The following PAXBP1 variants were observed in gnomAD, a reference collection of about 807,000 sequenced individuals.
The protein encoded by PAXBP1 is PAX3 and PAX7 binding protein 1, also known as PAX3- and PAX7-binding protein 1.
Under a neutral mutation model 119.9 loss-of-function variants are expected in PAXBP1, and 44 were observed. The observed-to-expected ratio is 0.37, with a 90% CI of 0.29 to 0.47. PAXBP1 has a LOEUF of 0.47. PAXBP1 is among the 20% of genes least tolerant of loss of function. The pLI is 0.99. For synonymous variants in PAXBP1, 393 were observed against 406.6 expected (o/e 0.97, Z 0.40); for missense variants, 898 against 1,134.1 (o/e 0.79, Z 2.99).
In PAXBP1 at chr21:32,762,911, C is replaced by CACA. The variant is rs1555921734; in HGVS notation, c.650-595_650-594insTGT. 6.3e-5 allele frequency among the ~76,000 whole-genome samples: 3 copies of CACA among 47,922 alleles called. No homozygotes were observed. The East Asian group carries it at 1.9e-3, about 30-fold the overall frequency. The allele number at this position is 47,922 out of a possible 152,430, so 31.4% of individuals were successfully genotyped here. ...GGGCAACAAGAGCACAACTCCGTCT[C>CACA]AAAAAAAAAAAAAAAAAAAAGTAAT... On this transcript the variant is annotated intron_variant, in intron 3 of 17. Transcript: ENST00000331923.
At chr21:32,757,703 A>G (rs2044066554) in intron 7 of PAXBP1, among the ~76,000 whole-genome samples, 2 of 152,238 alleles carry the variant, frequency 1.3e-5, no homozygotes, top group African/African-American at 4.8e-5. Context: ...AAGACACTTC[A>G]AGAAGCAGCT....
intron 17 of PAXBP1, 40 bp downstream of exon 17, chr21:32,737,214 A>G (rs781736352): frequency 3.5e-6 from 5 of 1,417,034 alleles, no homozygotes; most frequent in South Asian, 3.3e-5. Flanking sequence ...TCTGGCAACT[A>G]AACAACTCTA....
In PAXBP1 at chr21:32,771,442, C is replaced by T. The variant is rs1244268746; in HGVS notation, c.227G>A (p.Gly76Glu). The T allele has an allele frequency of 6.7e-7, 1 of 1,499,286 alleles. No individual in the cohort carries two copies. The highest frequency in any genetic ancestry group is 2.2e-5 in the Admixed American group (1 of 45,608). The allele number at this position is 1,499,286 out of a possible 1,614,324, so 92.9% of individuals were successfully genotyped here. A position where few individuals can be genotyped will look rare whatever the true frequency, so the allele number is the denominator to read the frequency against. ...CTCCGCGCCGCCGGGGAAGCCGCCCCCGGCCTCAGCCCCGAGGCCCGGGGT... is the reference window on the plus strand; with the variant it reads ...CTCCGCGCCGCCGGGGAAGCCGCCCTCGGCCTCAGCCCCGAGGCCCGGGGT... ...ALTPGLGAEA[G>E]GGFPGGAEPG... The change falls in exon 1 of 18, where the codon GGG becomes GAG. Residue 76 changes from glycine to glutamate, a missense_variant. Coordinates refer to ENST00000331923, the MANE Select transcript of PAXBP1 (RefSeq NM_016631.4).
At chr21:32,744,483 T>C (rs969189524) in intron 13 of PAXBP1, among the ~76,000 whole-genome samples, 10 of 152,086 alleles carry the variant, frequency 6.6e-5, no homozygotes, top group African/African-American at 9.7e-5. Context: ...ATTTGATTAG[T>C]TGGATTGGGA....
rs899908330 is a variant in PAXBP1, at chr21:32,735,052, C to T, written c.2652G>A (p.Gln884=). ...GAACACTTGCAAGGAGTTTTACTAT[C>T]TGTTTTATGTTTTCCCTAAAAGAAA... is the stretch of plus-strand genomic sequence containing the variant. ...EKRNARENIK[Q]IVKLLASVRA... Residue 884 remains glutamine, a synonymous_variant, in exon 18 of 18, where the codon CAG becomes CAA. Coordinates refer to ENST00000331923, the MANE Select transcript of PAXBP1 (RefSeq NM_016631.4). The T allele has an allele frequency of 6.2e-7, 1 of 1,612,266 alleles. No homozygotes were observed. The highest frequency in any genetic ancestry group is 8.5e-7 in the Non-Finnish European group (1 of 1,178,992).
intron 2 of PAXBP1, among the ~76,000 whole-genome samples, chr21:32,767,027 T>C (rs529229874): frequency 6.6e-6 from 1 of 152,342 alleles, no homozygotes; most frequent in South Asian, 2.1e-4. Flanking sequence ...AAGTCTTTGG[T>C]CTTCAGGAAT....
intron 16 of PAXBP1, 26 bp downstream of exon 16, chr21:32,738,147 A>G (rs776573833): frequency 4.0e-6 from 6 of 1,509,442 alleles, no homozygotes; most frequent in South Asian, 1.3e-5. Context: ...ATATGCTTTA[A>G]AAACTGTACT....
chr21:32,771,062 T>C (rs1601616116), intron 1 of PAXBP1, among the ~76,000 whole-genome samples: 1 of 152,194 alleles, frequency 6.6e-6, no homozygotes, highest in Non-Finnish European at 1.5e-5. Context: ...GAACACCGAA[T>C]TTCCCCTGAA....
chr21:32,760,696 G>C (rs914000547), intron 5 of PAXBP1, among the ~76,000 whole-genome samples: 1 of 152,086 alleles, frequency 6.6e-6, no homozygotes, highest in African/African-American at 2.4e-5. Flanking sequence ...ACCACCCCAA[G>C]CTTCTGACTC....
chr21:32,771,456 G>A lies in PAXBP1; in HGVS notation c.213C>T (p.Leu71=), dbSNP rs2044349705. The change falls in exon 1 of 18, where the codon CTC becomes CTT. Residue 71 remains leucine (L), a synonymous_variant. Coordinates refer to ENST00000331923, the MANE Select transcript of PAXBP1 (RefSeq NM_016631.4). The stretch of plus-strand genomic sequence containing the variant: ...GGAAGCCGCCCCCGGCCTCAGCCCC[G>A]AGGCCCGGGGTCAGCGCGGAAGGCG... ...PSPPSALTPG[L]GAEAGGGFPG... is the part of the protein sequence containing the mutation. 7.1e-7 allele frequency: 1 copy of A among 1,413,330 alleles called. No individual in the cohort carries two copies. The highest frequency in any genetic ancestry group is 1.5e-5 in the South Asian group (1 of 67,562). 87.5% of individuals were successfully genotyped at this position (1,413,330 alleles called of 1,614,324 possible).
rs2044163935 is a variant in PAXBP1 at position 32,762,330 on chromosome 21, G to A, written c.650-13C>T. Reference sequence around the variant, plus strand: ...TCTGGAATTTCTCCTAGAAACAAATGGTAAGAATATGGCAGTATGAGAGAT... The same window carrying A: ...TCTGGAATTTCTCCTAGAAACAAATAGTAAGAATATGGCAGTATGAGAGAT... On this transcript the variant is annotated splice_polypyrimidine_tract_variant and intron_variant, in intron 3 of 17. Coordinates refer to ENST00000331923, the MANE Select transcript of PAXBP1 (RefSeq NM_016631.4). The A allele has an allele frequency of 6.2e-7, 1 of 1,609,876 alleles. No homozygotes were observed. Among genetic ancestry groups the A allele is most frequent in the Non-Finnish European group, 8.5e-7 (1 of 1,177,560 alleles).
chr21:32,734,663 A>T lies in PAXBP1; in HGVS notation c.*287T>A. On this transcript the variant is annotated 3_prime_UTR_variant, in exon 18 of 18. Coordinates refer to ENST00000331923, the MANE Select transcript of PAXBP1 (RefSeq NM_016631.4). Reference sequence around the variant, plus strand: ...TAATTACACAATTTACACTGCACACATCGTTTACAGGGGACAATTAACTGA... The same window carrying T: ...TAATTACACAATTTACACTGCACACTTCGTTTACAGGGGACAATTAACTGA... The T allele has an allele frequency of 2.5e-6, 1 of 406,008 alleles. No individual in the cohort carries two copies. Among genetic ancestry groups the T allele is most frequent in the South Asian group, 2.5e-5 (1 of 40,072 alleles). The allele number at this position is 406,008 out of a possible 1,614,324, so 25.2% of individuals were successfully genotyped here.
chr21:32,761,205 A>G (rs1034720621), intron 4 of PAXBP1, 43 bp from the exon 5 acceptor site: 3 of 1,458,680 alleles, frequency 2.1e-6, no homozygotes, highest in Non-Finnish European at 1.9e-6. Flanking sequence ...ACACCCAAAG[A>G]GCAAAGAGGT....
At chr21:32,749,684 GAA>G (rs565293006) in intron 10 of PAXBP1, among the ~76,000 whole-genome samples, 1 of 144,382 alleles carries the variant, frequency 6.9e-6, no homozygotes, top group Non-Finnish European at 1.5e-5. Context: ...TCTTGGGGAA[GAA>G]AAAAAAAAAG....
chr21:32,743,760 A>G lies in PAXBP1; in HGVS notation c.2191-6T>C, dbSNP rs2043825293. On this transcript the variant is annotated splice_polypyrimidine_tract_variant and splice_region_variant and intron_variant, in intron 13 of 17. Transcript: ENST00000331923. ...AAAAGTGCCTTTAGGTATACCTAAA[A>G]AGTTAAAAGTAGATCACACATTTTA... The G allele has an allele frequency of 1.3e-5, 19 of 1,481,164 alleles. No individual in the cohort carries two copies. The highest frequency in any genetic ancestry group is 1.7e-5 in the Non-Finnish European group (18 of 1,072,078). 91.8% of individuals were successfully genotyped at this position (1,481,164 alleles called of 1,614,324 possible). A position where few individuals can be genotyped will look rare whatever the true frequency, so the allele number is the denominator to read the frequency against.
intron 17 of PAXBP1, among the ~76,000 whole-genome samples, chr21:32,736,337 C>T (rs1217639752): frequency 1.3e-5 from 2 of 151,958 alleles, no homozygotes; most frequent in Non-Finnish European, 2.9e-5. Flanking sequence ...TATAGGCACG[C>T]ACCACCACAC....
intron 10 of PAXBP1, 32 bp from the exon 11 acceptor site, chr21:32,748,730 A>G (rs745720446): frequency 6.4e-7 from 1 of 1,571,034 alleles, no homozygotes; most frequent in Non-Finnish European, 8.6e-7. Context: ...AGAGAACCAT[A>G]CATTAGTATG....
chr21:32,740,364 C>G (rs1267628025), intron 15 of PAXBP1, among the ~76,000 whole-genome samples: 1 of 152,142 alleles, frequency 6.6e-6, no homozygotes, highest in East Asian at 1.9e-4. Context: ...CAAGCTGTGC[C>G]CCGACCACCT....
intron 2 of PAXBP1, among the ~76,000 whole-genome samples, chr21:32,768,125 G>A (rs1362395667): frequency 6.6e-6 from 1 of 152,148 alleles, no homozygotes; most frequent in East Asian, 1.9e-4. Flanking sequence ...CCCTTAAATG[G>A]CAGTTACAAC....
Sources: allele counts gnomAD v4.1 joint callset (sites outside exome capture counted in the v4.1 genomes callset), GRCh38; gene constraint gnomAD v4.1.1; transcripts MANE v1.5; gene names NCBI Gene and HGNC (gene_info 2026-07-23, HGNC 2026-07-21).